DHX57: variants seen among roughly 807,000 people sequenced by gnomAD.
DHX57 encodes the protein DExH-box helicase 57, also known as putative ATP-dependent RNA helicase DHX57.
In DHX57, 105 loss-of-function variants were observed where a neutral mutation model predicts 156.2. The ratio of observed to expected loss-of-function variants is 0.67; its 90% CI spans 0.57 to 0.79. The LOEUF is 0.79. Among genes scored for constraint, DHX57 ranks in the 30% least tolerant of loss-of-function variants. DHX57 has a pLI of 0.00. For synonymous variants in DHX57, 704 were observed against 595.6 expected, an observed-to-expected ratio of 1.18 and a Z score of -2.65; for missense variants, 1,847 against 1,661.9, an observed-to-expected ratio of 1.11 and a Z score of -1.94.
intron 10 of DHX57, among the ~76,000 whole-genome samples, chr2:38,847,604 A>T (rs1237705400): frequency 6.6e-6 from 1 of 152,240 alleles, no homozygotes; most frequent in Non-Finnish European, 1.5e-5. Flanking sequence ...GTCCAATGTC[A>T]CTTTCTGCCA....
chr2:38,861,025 GAAT>G lies in DHX57; in HGVS notation c.1382_1384del (p.Asn461_Ser462delinsThr), dbSNP rs1673164453. ...TTCTGGAATTTGATTAGAAACAAAAGAATTATTTGGAATCACTGTTTTATGACA... is the reference window on the plus strand; with the variant it reads ...TTCTGGAATTTGATTAGAAACAAAAGTATTTGGAATCACTGTTTTATGACA... On this transcript the variant is annotated inframe_deletion, in exon 5 of 24. Coordinates refer to ENST00000457308, the MANE Select transcript of DHX57 (RefSeq NM_198963.3). 1 of 1,613,620 alleles carries G rather than the reference GAAT, an allele frequency of 6.2e-7. No individual in the cohort carries two copies. Among genetic ancestry groups the G allele is most frequent in the Non-Finnish European group, 8.5e-7 (1 of 1,179,798 alleles).
intron 9 of DHX57, among the ~76,000 whole-genome samples, chr2:38,849,250 G>C (rs1672454999): frequency 6.6e-6 from 1 of 152,146 alleles, no homozygotes; most frequent in South Asian, 2.1e-4. Context: ...TAGAGCTCTA[G>C]AAAATAACAT....
chr2:38,845,448 G>A (rs1234228088), intron 11 of DHX57, among the ~76,000 whole-genome samples: 2 of 151,976 alleles, frequency 1.3e-5, no homozygotes, highest in African/African-American at 4.8e-5. Context: ...AAATGAATAT[G>A]GAATTAGGAG....
intron 6 of DHX57, chr2:38,856,841 T>C (rs2124919621): frequency 6.3e-6 from 1 of 158,324 alleles, no homozygotes; most frequent in Middle Eastern, 3.3e-3. Context: ...GGTCTTGCAC[T>C]CCTGGCCTTG....
At chr2:38,822,964 T>A in intron 17 of DHX57, 29 bp downstream of exon 17, 1 of 1,608,206 alleles carries the variant, frequency 6.2e-7, no homozygotes, top group South Asian at 1.1e-5. Flanking sequence ...TCTTAGAGAC[T>A]CCAGTTTAGA....
intron 21 of DHX57, among the ~76,000 whole-genome samples, chr2:38,807,485 G>C (rs1248224757): frequency 6.6e-6 from 1 of 151,880 alleles, no homozygotes; most frequent in Admixed American, 6.6e-5. Context: ...AGCCTCCCTA[G>C]TAGCTGGGAC....
chr2:38,838,833 C>T (rs1347134099), intron 12 of DHX57: 1 of 453,086 alleles, frequency 2.2e-6, no homozygotes, highest in Non-Finnish European at 4.4e-6. Flanking sequence ...ACTCATAGAC[C>T]CTCACAATCT....
At chr2:38,856,889 A>G (rs1474502703) in intron 6 of DHX57, 2 of 154,370 alleles carry the variant, frequency 1.3e-5, no homozygotes, top group African/African-American at 4.8e-5. Context: ...TTGGATGTAG[A>G]AGACTTTATT....
chr2:38,828,195 G>A (rs72797362), intron 14 of DHX57, 145 bp downstream of exon 14: 49,160 of 516,254 alleles, frequency 0.095, 2,703 homozygotes, highest in Non-Finnish European at 0.11. Context: ...CTGATTTCCT[G>A]CAGCAAATAG....
intron 12 of DHX57, among the ~76,000 whole-genome samples, chr2:38,840,104 C>A (rs946011694): frequency 2.0e-5 from 3 of 152,012 alleles, no homozygotes; most frequent in African/African-American, 7.2e-5. Context: ...CACCACCACA[C>A]CAGCTAATTT....
At chr2:38,836,718 G>C (rs980864865) in intron 13 of DHX57, among the ~76,000 whole-genome samples, 3 of 145,530 alleles carry the variant, frequency 2.1e-5, no homozygotes, top group Admixed American at 7.1e-5. Flanking sequence ...AGGTTACAGT[G>C]AGCTGACATC....
At chr2:38,827,507 T>TAA (rs1558372525) in intron 14 of DHX57, among the ~76,000 whole-genome samples, 1 of 24,164 alleles carries the variant, frequency 4.1e-5, no homozygotes, top group African/African-American at 1.5e-4. Flanking sequence ...AAAAAAAAAA[T>TAA]ATATATATAT....
chr2:38,842,999 T>A lies in DHX57; in HGVS notation c.2425+6A>T. 1 of 1,613,592 alleles carries A rather than the reference T, an allele frequency of 6.2e-7. No individual in the cohort carries two copies. The highest frequency in any genetic ancestry group is 8.5e-7 in the Non-Finnish European group (1 of 1,179,478). ...AATTATAATATTCCCCCAAGAGGCA[T>A]GTTACCTTTATAGCGGGCCAGGAGC... On this transcript the variant is annotated splice_donor_region_variant and intron_variant, in intron 12 of 23. Coordinates refer to ENST00000457308, the MANE Select transcript of DHX57 (RefSeq NM_198963.3).
rs1413717015 is a variant in DHX57, at chr2:38,798,376, G to C, written c.4084C>G (p.Pro1362Ala). The C allele has an allele frequency of 6.2e-6, 10 of 1,613,978 alleles. No individual in the cohort carries two copies. Among genetic ancestry groups the C allele is most frequent in the Non-Finnish European group, 8.5e-6 (10 of 1,179,942 alleles). Residue 1362 changes from proline (P) to alanine (A), a missense_variant, in exon 24 of 24, where the codon CCA (proline) becomes GCA (alanine). Transcript: ENST00000457308. Reference sequence around the variant, plus strand: ...GGACACGTACACAGATCAATGCTTGGGTTTTTAATTTTATCCTGGAGAAGC... The same window carrying C: ...GGACACGTACACAGATCAATGCTTGCGTTTTTAATTTTATCCTGGAGAAGC... ...DQLLQDKIKN[P>A]SIDLCTCPRG...
At chr2:38,829,010 G>A (rs1358246637) in intron 13 of DHX57, among the ~76,000 whole-genome samples, 8 of 150,784 alleles carry the variant, frequency 5.3e-5, no homozygotes, top group Non-Finnish European at 1.0e-4. Context: ...GCGCGATCAC[G>A]GCTCACTGCA....
intron 13 of DHX57, among the ~76,000 whole-genome samples, chr2:38,830,246 G>C (rs1461894783): frequency 6.6e-6 from 1 of 152,196 alleles, no homozygotes; most frequent in Non-Finnish European, 1.5e-5. Context: ...GGCTGAAAGA[G>C]ATCTTATAGC....
intron 16 of DHX57, among the ~76,000 whole-genome samples, chr2:38,825,138 C>T (rs952749265): frequency 6.6e-6 from 1 of 152,184 alleles, no homozygotes; most frequent in Non-Finnish European, 1.5e-5. Flanking sequence ...ATTTACTTCA[C>T]ATACAGCTCC....
intron 9 of DHX57, 23 bp downstream of exon 9, chr2:38,854,031 C>A: frequency 6.3e-7 from 1 of 1,589,944 alleles, no homozygotes; most frequent in South Asian, 1.1e-5. Flanking sequence ...AGTGTGTGTT[C>A]CCTGGGAAAG....
chr2:38,836,592 G>A (rs1280126945), intron 13 of DHX57, among the ~76,000 whole-genome samples: 1 of 151,988 alleles, frequency 6.6e-6, no homozygotes, highest in African/African-American at 2.4e-5. Context: ...TGGCCAACAT[G>A]GCAAAACCCT....
Sources: allele counts gnomAD v4.1 joint callset (sites outside exome capture counted in the v4.1 genomes callset), GRCh38; gene constraint gnomAD v4.1.1; transcripts MANE v1.5; gene names NCBI Gene and HGNC (gene_info 2026-07-23, HGNC 2026-07-21).